Variants in MYT1L observed in about 807,000 individuals in gnomAD.
The protein encoded by MYT1L is myelin transcription factor 1-like protein.
Under a neutral mutation model 126.7 loss-of-function variants are expected in MYT1L, and 12 were observed. The ratio of observed to expected loss-of-function variants is 0.09; its 90% confidence interval spans 0.06 to 0.15. The LOEUF (loss-of-function observed/expected upper bound fraction) is 0.15, where lower values mean the gene tolerates loss of function less well. Ranked by LOEUF, MYT1L falls within the 10% of genes least tolerant of loss-of-function variation. The pLI is 1.00. For missense variants in MYT1L, 979 were observed against 1,585.2 expected, an observed-to-expected ratio of 0.62 and a Z score of 6.49; for synonymous variants, 541 against 604.2, an observed-to-expected ratio of 0.90 and a Z score of 1.53.
chr2:2,069,388 CA>C (rs1373997649), intron 3 of MYT1L, among the ~76,000 whole-genome samples: 1 of 152,120 alleles, frequency 6.6e-6, no homozygotes. Flanking sequence ...CATGTCCCTT[CA>C]AAGGACATGA....
intron 21 of MYT1L, among the ~76,000 whole-genome samples, chr2:1,823,733 C>G (rs540898727): frequency 1.3e-5 from 2 of 151,746 alleles, no homozygotes; most frequent in East Asian, 1.9e-4. Context: ...GCTCCTGGCA[C>G]GAGCAGCGAT....
chr2:1,993,566 C>T (rs908305546), intron 5 of MYT1L, among the ~76,000 whole-genome samples: 1 of 152,166 alleles, frequency 6.6e-6, no homozygotes, highest in African/African-American at 2.4e-5. Context: ...TCAGAATATA[C>T]CTACTATAAT....
At chr2:2,214,106 T>A (rs1346455856) in intron 2 of MYT1L, among the ~76,000 whole-genome samples, 1 of 151,984 alleles carries the variant, frequency 6.6e-6, no homozygotes, top group Non-Finnish European at 1.5e-5. Context: ...CGAGTGAATT[T>A]GAAGACATAA....
At chr2:2,065,639 T>A (rs1016296621) in intron 3 of MYT1L, among the ~76,000 whole-genome samples, 9 of 152,322 alleles carry the variant, frequency 5.9e-5, no homozygotes, top group Admixed American at 5.9e-4. Flanking sequence ...TCAGTGAGCG[T>A]CTTGCTTCCT....
chr2:2,071,700 A>G (rs2074621598), intron 3 of MYT1L, among the ~76,000 whole-genome samples: 2 of 152,230 alleles, frequency 1.3e-5, no homozygotes, highest in Admixed American at 6.5e-5. Context: ...GACAGATTTT[A>G]AAGTATGGAA....
intron 2 of MYT1L, among the ~76,000 whole-genome samples, chr2:2,251,110 A>G (rs1459560489): frequency 1.3e-5 from 2 of 152,148 alleles, no homozygotes; most frequent in Non-Finnish European, 2.9e-5. Context: ...AAAAGCTATT[A>G]CCTCTCATCG....
At chr2:2,311,290 C>G (rs1457030681) in intron 1 of MYT1L, among the ~76,000 whole-genome samples, 1 of 152,234 alleles carries the variant, frequency 6.6e-6, no homozygotes, top group African/African-American at 2.4e-5. Context: ...GACCAAATCA[C>G]ACAGATGTGT....
At chr2:2,009,898 G>GT (rs147372422) in intron 4 of MYT1L, among the ~76,000 whole-genome samples, 9,367 of 114,236 alleles carry the variant, frequency 0.082, 430 homozygotes, top group South Asian at 0.17. Context: ...ACTGTTAAGA[G>GT]TTTTTTTTTT....
Position 2,021,829 on chromosome 2 carries a change from G to A in MYT1L, c.-157-24482C>T, listed in dbSNP as rs187930444. Reference sequence around the variant, plus strand: ...GGAGAATGGCGTGAACCCGGGTGGCGGAGCTTGCAGTGAGCCGAGATCGTG... The same window carrying A: ...GGAGAATGGCGTGAACCCGGGTGGCAGAGCTTGCAGTGAGCCGAGATCGTG... On this transcript the variant is annotated intron_variant, in intron 4 of 24. Coordinates refer to ENST00000647738, the MANE Select transcript of MYT1L (RefSeq NM_001303052.2). Among the ~76,000 whole-genome samples, 437 of 152,216 alleles carry A rather than the reference G, an allele frequency of 2.9e-3. 3 individuals are homozygous for A. The highest frequency in any genetic ancestry group is 6.8e-3 in the Middle Eastern group (2 of 294).
At chr2:1,966,489 C>G (rs1025921727) in intron 8 of MYT1L, among the ~76,000 whole-genome samples, 1 of 152,164 alleles carries the variant, frequency 6.6e-6, no homozygotes, top group Non-Finnish European at 1.5e-5. Flanking sequence ...TGGAGAGAGG[C>G]TCTTCTGGAA....
chr2:2,086,349 A>G (rs2076350013), intron 3 of MYT1L, among the ~76,000 whole-genome samples: 1 of 152,206 alleles, frequency 6.6e-6, no homozygotes, highest in South Asian at 2.1e-4. Context: ...TATTTGTATA[A>G]TTACATTACT....
intron 9 of MYT1L, among the ~76,000 whole-genome samples, chr2:1,930,606 C>G (rs2054831129): frequency 6.6e-6 from 1 of 152,156 alleles, no homozygotes; most frequent in South Asian, 2.1e-4. Flanking sequence ...ACGAGGAGGG[C>G]ACAGCGCTGG....
At chr2:2,049,340 G>A (rs958635301) in intron 4 of MYT1L, among the ~76,000 whole-genome samples, 31 of 152,074 alleles carry the variant, frequency 2.0e-4, no homozygotes, top group Admixed American at 1.1e-3. Flanking sequence ...TATTATACAC[G>A]GTTATCAGAG....
intron 9 of MYT1L, among the ~76,000 whole-genome samples, chr2:1,935,778 T>C (rs1047735103): frequency 2.6e-5 from 4 of 152,234 alleles, no homozygotes; most frequent in African/African-American, 9.6e-5. Context: ...TCACAAGGCA[T>C]AGCAGATAAA....
intron 21 of MYT1L, among the ~76,000 whole-genome samples, chr2:1,810,536 C>T (rs908538946): frequency 1.3e-5 from 2 of 152,044 alleles, no homozygotes; most frequent in Admixed American, 1.3e-4. Flanking sequence ...GGACCGTGTC[C>T]GTAAGTGGTG....
intron 2 of MYT1L, among the ~76,000 whole-genome samples, chr2:2,219,145 T>A (rs2093778918): frequency 6.6e-6 from 1 of 152,172 alleles, no homozygotes; most frequent in Admixed American, 6.5e-5. Context: ...TTGAGGACAG[T>A]GGAAAATGAT....
intron 3 of MYT1L, among the ~76,000 whole-genome samples, chr2:2,103,570 A>T (rs1016879583): frequency 6.6e-6 from 1 of 152,202 alleles, no homozygotes; most frequent in African/African-American, 2.4e-5. Flanking sequence ...GCGTCAGCTT[A>T]AACGGGGAAC....
At chr2:1,918,856 C>T (rs72765602) in intron 10 of MYT1L, among the ~76,000 whole-genome samples, 5,991 of 152,320 alleles carry the variant, frequency 0.039, 149 homozygotes, top group South Asian at 0.063. Context: ...ACTTCTCTTA[C>T]ACCTGCAAAC....
chr2:2,234,948 T>G (rs1220041309), intron 2 of MYT1L, among the ~76,000 whole-genome samples: 1 of 152,228 alleles, frequency 6.6e-6, no homozygotes, highest in African/African-American at 2.4e-5. Context: ...CCCCTTGGCC[T>G]GCGGTCCTTT....
Sources: gnomAD v4.1 joint callset for allele counts (sites outside exome capture counted in the v4.1 genomes callset) on GRCh38, gnomAD v4.1.1 for gene constraint, MANE v1.5 for transcripts, NCBI Gene and HGNC (gene_info 2026-07-23, HGNC 2026-07-21) for gene names.